HIVEP3: variants seen among roughly 807,000 people sequenced by gnomAD.
The protein encoded by HIVEP3 is transcription factor HIVEP3.
In HIVEP3, 49 loss-of-function variants were observed where a neutral mutation model predicts 152.8. That is an observed-to-expected ratio of 0.32 (90% CI 0.26 to 0.41). The LOEUF is 0.41. Among genes scored for constraint, HIVEP3 ranks in the 10% least tolerant of loss-of-function variants. The pLI is 1.00. For missense variants in HIVEP3, 2,790 were observed against 3,103.3 expected, an observed-to-expected ratio of 0.90 and a Z score of 2.40; for synonymous variants, 1,269 against 1,289.0, an observed-to-expected ratio of 0.98 and a Z score of 0.33.
intron 1 of HIVEP3, among the ~76,000 whole-genome samples, chr1:41,796,002 C>A (rs1389134315): frequency 2.0e-5 from 3 of 152,042 alleles, no homozygotes; most frequent in Non-Finnish European, 4.4e-5. Flanking sequence ...GTGAGTGTGC[C>A]CATTTCTACT....
At chr1:41,904,086 G>A (rs1166564740) in intron 1 of HIVEP3, among the ~76,000 whole-genome samples, 1 of 151,900 alleles carries the variant, frequency 6.6e-6, no homozygotes, top group Non-Finnish European at 1.5e-5. Context: ...TAGTAGAGAT[G>A]GGGTATTGCT....
intron 1 of HIVEP3, among the ~76,000 whole-genome samples, chr1:41,720,768 C>A (rs1646662738): frequency 6.6e-6 from 1 of 152,144 alleles, no homozygotes. Context: ...TACAGCATTA[C>A]CCACAATAGT....
At chr1:41,631,124 G>T (rs1279028899) in intron 2 of HIVEP3, among the ~76,000 whole-genome samples, 1 of 152,248 alleles carries the variant, frequency 6.6e-6, no homozygotes, top group East Asian at 1.9e-4. Context: ...GTTTCAGTCA[G>T]TGGTGGCGTG....
intron 1 of HIVEP3, among the ~76,000 whole-genome samples, chr1:41,705,389 C>T (rs1646418170): frequency 6.6e-6 from 1 of 152,216 alleles, no homozygotes; most frequent in Non-Finnish European, 1.5e-5. Context: ...CTGTGCCATC[C>T]ACACTGGATC....
intron 6 of HIVEP3, among the ~76,000 whole-genome samples, chr1:41,521,636 C>T (rs1642762290): frequency 6.6e-6 from 1 of 152,246 alleles, no homozygotes; most frequent in Non-Finnish European, 1.5e-5. Context: ...CACAGCTTCT[C>T]ACAGTCATCC....
At chr1:41,687,147 G>C (rs1231443331) in intron 2 of HIVEP3, among the ~76,000 whole-genome samples, 2 of 152,204 alleles carry the variant, frequency 1.3e-5, no homozygotes, top group African/African-American at 4.8e-5. Flanking sequence ...CTTCCTAACA[G>C]AGGAAACAGT....
At chr1:41,825,382 T>C (rs931086446) in intron 1 of HIVEP3, among the ~76,000 whole-genome samples, 3 of 152,014 alleles carry the variant, frequency 2.0e-5, no homozygotes, top group African/African-American at 7.3e-5. Flanking sequence ...GGCTTGACCA[T>C]GGTAGGGCCA....
chr1:41,777,703 C>A (rs1185841522), intron 1 of HIVEP3, among the ~76,000 whole-genome samples: 1 of 152,254 alleles, frequency 6.6e-6, no homozygotes, highest in Non-Finnish European at 1.5e-5. Flanking sequence ...GTCATCATCT[C>A]TCAAATGGGA....
In HIVEP3 at chr1:41,520,402, A is replaced by G. The variant is rs181893847; in HGVS notation, c.5384-1914T>C. 1.3e-3 allele frequency among the ~76,000 whole-genome samples: 200 copies of G among 152,342 alleles called. 1 individual carries two copies. Among genetic ancestry groups the G allele is most frequent in the Middle Eastern group, 3.4e-3 (1 of 294 alleles). On this transcript the variant is annotated intron_variant, in intron 6 of 8. Transcript: ENST00000372583. ...TCCTGGCCATAGTGGGAGCAAAGCCATAAATTTCAGAGTCATCTTGTAGCC... is the reference window on the plus strand; with the variant it reads ...TCCTGGCCATAGTGGGAGCAAAGCCGTAAATTTCAGAGTCATCTTGTAGCC...
At chr1:41,559,004 A>C (rs1447680197) in intron 5 of HIVEP3, among the ~76,000 whole-genome samples, 3 of 151,946 alleles carry the variant, frequency 2.0e-5, no homozygotes, top group Admixed American at 2.0e-4. Flanking sequence ...GCTGGGCCCC[A>C]GCACACACCT....
chr1:41,997,834 G>A (rs2124521811), intron 1 of HIVEP3, among the ~76,000 whole-genome samples: 1 of 152,278 alleles, frequency 6.6e-6, no homozygotes, highest in Non-Finnish European at 1.5e-5. Flanking sequence ...AGCATTATTA[G>A]TAAACAGCAG....
intron 1 of HIVEP3, among the ~76,000 whole-genome samples, chr1:41,982,531 C>T (rs903875105): frequency 1.3e-5 from 2 of 152,042 alleles, no homozygotes; most frequent in African/African-American, 4.8e-5. Flanking sequence ...TCAGTTTTAT[C>T]TTGTATGACC....
At chr1:41,951,987 C>A (rs112889538) in intron 1 of HIVEP3, among the ~76,000 whole-genome samples, 1 of 152,090 alleles carries the variant, frequency 6.6e-6, no homozygotes, top group Non-Finnish European at 1.5e-5. Context: ...ATTACGTGAA[C>A]AACTAGACAT....
intron 1 of HIVEP3, among the ~76,000 whole-genome samples, chr1:41,842,042 G>A (rs56098836): frequency 0.31 from 46,924 of 151,588 alleles, 7,777 homozygotes; most frequent in Non-Finnish European, 0.38. Flanking sequence ...GCAGTGAGTC[G>A]AGATCACAGC....
chr1:41,920,688 C>T (rs780782458), upstream of HIVEP3, among the ~76,000 whole-genome samples: 9 of 151,710 alleles, frequency 5.9e-5, no homozygotes, highest in Non-Finnish European at 8.8e-5. Context: ...CAGGGCTGTC[C>T]GATAATTCAG....
chr1:41,790,987 A>G (rs1003036564), intron 1 of HIVEP3, among the ~76,000 whole-genome samples: 11 of 151,936 alleles, frequency 7.2e-5, no homozygotes, highest in African/African-American at 2.4e-4. Flanking sequence ...TGCACAATTC[A>G]CCCTTTCCTG....
intron 3 of HIVEP3, among the ~76,000 whole-genome samples, chr1:41,589,473 GC>G (rs2149114052): frequency 6.6e-6 from 1 of 152,348 alleles, no homozygotes; most frequent in South Asian, 2.1e-4. Flanking sequence ...GGAGCCCGGG[GC>G]CAAGGCAGGG....
chr1:41,674,786 T>A (rs1645930179), intron 2 of HIVEP3, among the ~76,000 whole-genome samples: 1 of 152,150 alleles, frequency 6.6e-6, no homozygotes, highest in Admixed American at 6.5e-5. Flanking sequence ...GTCAATTACG[T>A]TGGGAAAACA....
chr1:42,012,921 A>T (rs903948994), intron 1 of HIVEP3, among the ~76,000 whole-genome samples: 1 of 152,212 alleles, frequency 6.6e-6, no homozygotes, highest in Non-Finnish European at 1.5e-5. Flanking sequence ...ACAGACCAAG[A>T]CATTAGATGT....
Sources: allele counts gnomAD v4.1 joint callset (sites outside exome capture counted in the v4.1 genomes callset), GRCh38; gene constraint gnomAD v4.1.1; transcripts MANE v1.5; gene names NCBI Gene and HGNC (gene_info 2026-07-23, HGNC 2026-07-21).